The following SPARCL1 variants were observed in gnomAD, a reference collection of about 807,000 sequenced individuals.
The protein encoded by SPARCL1 is SPARC-like protein 1.
In SPARCL1, 52 loss-of-function variants were observed where a neutral mutation model predicts 67.1. That is an observed-to-expected ratio of 0.78 (90% confidence interval 0.62 to 0.98). SPARCL1 has a LOEUF of 0.98. Among genes scored for constraint, SPARCL1 ranks in the 50% least tolerant of loss-of-function variants. The probability of loss-of-function intolerance (pLI) is 0.00; values close to 1 mark genes in which losing one functional copy is unlikely to be tolerated. For missense variants in SPARCL1, 717 were observed against 782.4 expected, an observed-to-expected ratio of 0.92 and a Z score of 1.00; for synonymous variants, 226 against 267.8, an observed-to-expected ratio of 0.84 and a Z score of 1.52.
chr4:87,522,679 ACACG>A (rs1280167792), intron 1 of SPARCL1, among the ~76,000 whole-genome samples: 37 of 148,374 alleles, frequency 2.5e-4, no homozygotes, highest in South Asian at 8.5e-4. Context: ...ACACACACAC[ACACG>A]CACACACACA....
rs80013643 is a variant in SPARCL1, at chr4:87,518,717, G to A, written c.-12+10328C>T. Among the ~76,000 whole-genome samples the A allele has an allele frequency of 7.1e-3, 1,085 of 152,210 alleles. 14 individuals are homozygous for A. The highest frequency in any genetic ancestry group is 0.025 in the African/African-American group (1,025 of 41,500). ...AGTTTTTCTAGTAAGACATTAACCT[G>A]CTTCTCATTATAAAGTCCTTAAAAC... is the stretch of plus-strand genomic sequence containing the variant. On this transcript the variant is annotated intron_variant, in intron 1 of 10. Coordinates refer to ENST00000282470, the MANE Select transcript of SPARCL1 (RefSeq NM_004684.6).
rs1476480636 is a variant in SPARCL1, at chr4:87,490,745, T to G, written c.1410+15A>C. The G allele has an allele frequency of 1.3e-6, 2 of 1,493,662 alleles. No individual in the cohort carries two copies. The highest frequency in any genetic ancestry group is 1.8e-6 in the Non-Finnish European group (2 of 1,088,980). 92.5% of individuals were successfully genotyped at this position (1,493,662 alleles called of 1,614,324 possible). Reference sequence around the variant, plus strand: ...CTTTTGGAGCCACTTAAAGACTATTTTGCAGAATACTTACTTGATCAAGGG... The same window carrying G: ...CTTTTGGAGCCACTTAAAGACTATTGTGCAGAATACTTACTTGATCAAGGG... On this transcript the variant is annotated intron_variant, in intron 6 of 10. Transcript: ENST00000282470.
intron 1 of SPARCL1, among the ~76,000 whole-genome samples, chr4:87,508,821 T>C (rs1330874761): frequency 4.0e-5 from 6 of 149,036 alleles, no homozygotes; most frequent in African/African-American, 1.2e-4. Flanking sequence ...TGTGTATAGA[T>C]ACATATATGT....
intron 5 of SPARCL1, 97 bp downstream of exon 5, chr4:87,491,521 G>T: frequency 1.1e-6 from 1 of 940,362 alleles, no homozygotes; most frequent in Non-Finnish European, 1.7e-6. Flanking sequence ...AAAAAATTCT[G>T]TGCAGCATTC....
chr4:87,503,823 C>T (rs1447916861), intron 1 of SPARCL1, among the ~76,000 whole-genome samples: 1 of 151,774 alleles, frequency 6.6e-6, no homozygotes, highest in Non-Finnish European at 1.5e-5. Context: ...GAATAACAGA[C>T]ATGTGCCACC....
At chr4:87,490,415 A>C (rs374789084) in intron 6 of SPARCL1, 22 bp from the exon 7 acceptor site, 19 of 1,593,608 alleles carry the variant, frequency 1.2e-5, no homozygotes, top group Non-Finnish European at 1.4e-5. Flanking sequence ...AAGTAGAAGA[A>C]AAAGCTGATA....
At chr4:87,513,395 G>C (rs757682300) in intron 1 of SPARCL1, among the ~76,000 whole-genome samples, 1 of 152,224 alleles carries the variant, frequency 6.6e-6, no homozygotes, top group Non-Finnish European at 1.5e-5. Context: ...TAGTGAACAG[G>C]CTACAGACTA....
intron 1 of SPARCL1, among the ~76,000 whole-genome samples, chr4:87,507,219 C>A (rs1725120779): frequency 6.6e-6 from 1 of 152,182 alleles, no homozygotes; most frequent in African/African-American, 2.4e-5. Flanking sequence ...ACAAATGGTA[C>A]AACTTAAAAG....
chr4:87,501,617 T>C (rs1030661399), intron 1 of SPARCL1, among the ~76,000 whole-genome samples: 7 of 152,108 alleles, frequency 4.6e-5, no homozygotes, highest in African/African-American at 1.7e-4. Context: ...ATGAACATAG[T>C]ATTTTTTTCT....
intron 1 of SPARCL1, among the ~76,000 whole-genome samples, chr4:87,517,408 C>T (rs967674874): frequency 7.9e-5 from 12 of 152,178 alleles, no homozygotes; most frequent in African/African-American, 2.4e-4. Flanking sequence ...GCGTTTGTGA[C>T]GTTGCAGTAA....
chr4:87,493,706 C>T lies in SPARCL1; in HGVS notation c.1094G>A (p.Ser365Asn), dbSNP rs1305743911. The change falls in exon 4 of 11, where the codon AGC becomes AAC. Residue 365 changes from serine to asparagine, a missense_variant. Coordinates refer to ENST00000282470, the MANE Select transcript of SPARCL1 (RefSeq NM_004684.6). ...TCTCTCGGCCTCCAGAAAGGCCTGG[C>T]TTGGGATGAAGTAGTCATCACTTGC... Reference protein sequence around the residue: ...HSASDDYFIPSQAFLEAERAQ... With the variant: ...HSASDDYFIPNQAFLEAERAQ... The T allele has an allele frequency of 6.2e-7, 1 of 1,614,170 alleles. No individual in the cohort carries two copies. Among genetic ancestry groups the T allele is most frequent in the South Asian group, 1.1e-5 (1 of 91,074 alleles).
chr4:87,479,168 G>A (rs1030827786), intron 10 of SPARCL1, among the ~76,000 whole-genome samples: 2 of 152,012 alleles, frequency 1.3e-5, no homozygotes, highest in South Asian at 2.1e-4. Flanking sequence ...GGATTCACAC[G>A]TCTTTCTAGG....
Position 87,505,711 on chromosome 4 carries a change from T to C in SPARCL1, c.-11-6126A>G, listed in dbSNP as rs186722410. ...CTGGGGATATAGGTGCAAACTATTATGCTCAGCTAATTGTTTTTTTTTTTT... is the reference window on the plus strand; with the variant it reads ...CTGGGGATATAGGTGCAAACTATTACGCTCAGCTAATTGTTTTTTTTTTTT... On this transcript the variant is annotated intron_variant, in intron 1 of 10. Coordinates refer to ENST00000282470, the MANE Select transcript of SPARCL1 (RefSeq NM_004684.6). 1.1e-4 allele frequency among the ~76,000 whole-genome samples: 16 copies of C among 148,138 alleles called. 1 individual carries two copies. In the East Asian group the frequency reaches 3.3e-3, roughly 30 times the overall value.
At chr4:87,475,675 C>A (rs1723557225) in intron 10 of SPARCL1, among the ~76,000 whole-genome samples, 1 of 152,118 alleles carries the variant, frequency 6.6e-6, no homozygotes, top group South Asian at 2.1e-4. Flanking sequence ...TAAATCAAAA[C>A]CATCTCACAA....
At chr4:87,504,367 A>G (rs576040860) in intron 1 of SPARCL1, among the ~76,000 whole-genome samples, 1 of 152,326 alleles carries the variant, frequency 6.6e-6, no homozygotes, top group Admixed American at 6.5e-5. Context: ...AGAAATTTAG[A>G]ATATTAACAA....
chr4:87,484,642 T>C (rs1358762015), intron 7 of SPARCL1, among the ~76,000 whole-genome samples: 1 of 152,192 alleles, frequency 6.6e-6, no homozygotes, highest in Non-Finnish European at 1.5e-5. Flanking sequence ...TTGATGGGGA[T>C]AGGATTGAAT....
intron 1 of SPARCL1, among the ~76,000 whole-genome samples, chr4:87,502,380 T>C (rs1297018974): frequency 6.6e-6 from 1 of 152,180 alleles, no homozygotes; most frequent in Non-Finnish European, 1.5e-5. Context: ...TCCTATTAGC[T>C]ATAGTTTTAC....
intron 7 of SPARCL1, among the ~76,000 whole-genome samples, chr4:87,486,742 T>C (rs1724073942): frequency 6.6e-6 from 1 of 152,100 alleles, no homozygotes; most frequent in Non-Finnish European, 1.5e-5. Context: ...ATCTGGGTGC[T>C]CCTATATTGG....
At position 87,493,647 on chromosome 4, in the gene SPARCL1, C is replaced by T. The variant is rs779645345; in HGVS notation, c.1153G>A (p.Glu385Lys). The change falls in exon 4 of 11, where the codon GAG (glutamate) becomes AAG (lysine). Residue 385 changes from glutamate to lysine, a missense_variant. By Grantham distance (56) the Glu-to-Lys change is moderately conservative. Transcript: ENST00000282470. ...TTTTCATGTACTTTTTCTCTTTGCT[C>T]CTCAATTTTGAGGTGATAGGCAATG... ...QSIAYHLKIEEQREKVHENEN... is the reference protein window; with the variant it reads ...QSIAYHLKIEKQREKVHENEN... 1.7e-5 allele frequency: 27 copies of T among 1,613,828 alleles called. No homozygotes were observed. In the East Asian group the frequency reaches 4.0e-4, roughly 24 times the overall value.
Sources: allele counts gnomAD v4.1 joint callset (sites outside exome capture counted in the v4.1 genomes callset), GRCh38; gene constraint gnomAD v4.1.1; transcripts MANE v1.5; gene names NCBI Gene and HGNC (gene_info 2026-07-23, HGNC 2026-07-21).